The following TSEN15 variants were observed in gnomAD, a reference collection of about 807,000 sequenced individuals.
TSEN15 encodes the protein tRNA-splicing endonuclease subunit Sen15.
In TSEN15, 10 loss-of-function variants were observed where a neutral mutation model predicts 20.5. The observed-to-expected ratio is 0.49, with a 90% CI of 0.30 to 0.83. The LOEUF is 0.83. Among genes scored for constraint, TSEN15 ranks in the 40% least tolerant of loss-of-function variants. TSEN15 has a pLI of 0.06. For synonymous variants in TSEN15, 72 were observed against 80.1 expected (o/e 0.90, Z 0.54); for missense variants, 180 against 218.6 (o/e 0.82, Z 1.11).
chr1:184,085,153 A>C (rs1651237553), intron 3 of TSEN15, among the ~76,000 whole-genome samples: 1 of 152,204 alleles, frequency 6.6e-6, no homozygotes, highest in Non-Finnish European at 1.5e-5. Flanking sequence ...AAAAGAAGTT[A>C]AACTTAGCAC....
chr1:184,079,008 T>A (rs553928097), downstream of TSEN15, among the ~76,000 whole-genome samples: 2 of 152,272 alleles, frequency 1.3e-5, no homozygotes, highest in Non-Finnish European at 2.9e-5. Flanking sequence ...TCTTTATTCA[T>A]CTGCCATATT....
intron 3 of TSEN15, among the ~76,000 whole-genome samples, chr1:184,080,676 C>G (rs1651148800): frequency 6.6e-6 from 1 of 152,104 alleles, no homozygotes; most frequent in Non-Finnish European, 1.5e-5. Context: ...CATGCTCATG[C>G]TTTTATGTTG....
At chr1:184,070,688 T>C (rs1487536507) in intron 3 of TSEN15, 1 of 1,286,244 alleles carries the variant, frequency 7.8e-7, no homozygotes, top group Admixed American at 2.4e-5. Context: ...GAAGCAATTG[T>C]GATATGCTGC....
At chr1:184,089,975 G>A (rs1651330336) in intron 3 of TSEN15, among the ~76,000 whole-genome samples, 1 of 152,178 alleles carries the variant, frequency 6.6e-6, no homozygotes, top group South Asian at 2.1e-4. Context: ...TAGAATGGTT[G>A]CTGCCCACTA....
At chr1:184,089,983 C>T (rs1018175895) in intron 3 of TSEN15, among the ~76,000 whole-genome samples, 4 of 152,162 alleles carry the variant, frequency 2.6e-5, no homozygotes, top group Non-Finnish European at 5.9e-5. Context: ...TTGCTGCCCA[C>T]TAAAAGGTCA....
Position 184,073,035 on chromosome 1 carries a change from A to G in TSEN15, c.*188A>G, listed in dbSNP as rs1183370555. On this transcript the variant is annotated 3_prime_UTR_variant, in exon 5 of 5. Coordinates refer to ENST00000645668, the MANE Select transcript of TSEN15 (RefSeq NM_052965.4). ...GAAGACTTTCTCCTTCTTAAAAAAT[A>G]TAGGGTGATTTCTTTAAAACTTTGT... 4 of 583,672 alleles carry G rather than the reference A, an allele frequency of 6.9e-6. No individual in the cohort carries two copies. Among genetic ancestry groups the G allele is most frequent in the Middle Eastern group, 4.5e-4 (1 of 2,228 alleles). The allele number at this position is 583,672 out of a possible 1,614,324, so 36.2% of individuals were successfully genotyped here. A position where few individuals can be genotyped will look rare whatever the true frequency, so the allele number is the denominator to read the frequency against.
At chr1:184,091,368 G>T (rs1412111080) in intron 3 of TSEN15, among the ~76,000 whole-genome samples, 1 of 151,540 alleles carries the variant, frequency 6.6e-6, no homozygotes, top group African/African-American at 2.4e-5. Flanking sequence ...AGTCACCAAG[G>T]CTCAGAAATT....
At chr1:184,094,109 C>T (rs185727699) in intron 3 of TSEN15, 2 of 152,074 alleles carry the variant, frequency 1.3e-5, no homozygotes, top group Non-Finnish European at 2.9e-5. Flanking sequence ...TTCATGCCCC[C>T]CCTCCGAATC....
intron 3 of TSEN15, chr1:184,094,730 C>T: frequency 3.2e-6 from 1 of 312,242 alleles, no homozygotes. Flanking sequence ...AACCCACCTA[C>T]CATCAAATGA....
chr1:184,072,001 G>C (rs1650900545), intron 3 of TSEN15, 156 bp from the exon 4 acceptor site: 1 of 620,678 alleles, frequency 1.6e-6, no homozygotes, highest in Admixed American at 3.4e-5. Context: ...TACTATACCA[G>C]AAGACTCTGA....
chr1:184,081,484 C>G (rs1272042790), intron 3 of TSEN15, among the ~76,000 whole-genome samples: 1 of 152,140 alleles, frequency 6.6e-6, no homozygotes. Flanking sequence ...AAGGAAGCCA[C>G]GTGCCTGGCC....
chr1:184,082,732 G>A (rs780697960), intron 3 of TSEN15, among the ~76,000 whole-genome samples: 2 of 151,996 alleles, frequency 1.3e-5, no homozygotes, highest in Non-Finnish European at 2.9e-5. Context: ...TGTCTTAGGG[G>A]TAGGAAAAAC....
chr1:184,077,041 T>C (rs1233866349), downstream of TSEN15, among the ~76,000 whole-genome samples: 1 of 152,118 alleles, frequency 6.6e-6, no homozygotes, highest in Non-Finnish European at 1.5e-5. Context: ...CTATATTAAA[T>C]AACAGGCTTT....
intron 3 of TSEN15, among the ~76,000 whole-genome samples, chr1:184,092,479 A>T (rs1651377838): frequency 6.6e-6 from 1 of 152,246 alleles, no homozygotes; most frequent in African/African-American, 2.4e-5. Flanking sequence ...ATACATTGCT[A>T]TAAATAATGC....
In TSEN15 at chr1:184,082,477, G is replaced by A. The variant is rs1178253979; in HGVS notation, c.354-13213G>A. ...GAGTCTGAGATATGTGGAGTATGTGGAGCTTTACCTGGGCCTGGAGGCAGC... is the reference window on the plus strand; with the variant it reads ...GAGTCTGAGATATGTGGAGTATGTGAAGCTTTACCTGGGCCTGGAGGCAGC... On this transcript the variant is annotated intron_variant, in intron 3 of 3. Transcript: ENST00000643231. 3.9e-5 allele frequency among the ~76,000 whole-genome samples: 6 copies of A among 152,132 alleles called. No individual in the cohort carries two copies. In the East Asian group the frequency reaches 5.8e-4, roughly 15 times the overall value.
intron 3 of TSEN15, among the ~76,000 whole-genome samples, chr1:184,089,538 G>A (rs1387481173): frequency 6.6e-6 from 1 of 152,114 alleles, no homozygotes; most frequent in African/African-American, 2.4e-5. Flanking sequence ...TATCGGAGAT[G>A]GAGGAGAAGA....
chr1:184,095,886 T>A (rs1405759828), exon 4 of TSEN15: 2 of 396,862 alleles, frequency 5.0e-6, no homozygotes, highest in Non-Finnish European at 8.9e-6. Context: ...CCTAGCAAAC[T>A]AACGTAAAAT....
intron 4 of TSEN15, 171 bp downstream of exon 4, chr1:184,072,469 A>C: frequency 1.5e-6 from 1 of 648,086 alleles, no homozygotes; most frequent in Non-Finnish European, 2.5e-6. Flanking sequence ...ATTTTGTTCA[A>C]AGTAGCATGT....
At position 184,054,679 on chromosome 1, in the gene TSEN15, T is replaced by C. The variant is rs747858920; in HGVS notation, c.218-49T>C. ...ATTAGGTAGAAGTTTGGAGTTTTTA[T>C]TTTTTGTATTTAATAAACATTATTG... is the stretch of plus-strand genomic sequence containing the variant. On this transcript the variant is annotated intron_variant, in intron 2 of 4. Transcript: ENST00000645668. The C allele has an allele frequency of 8.8e-5, 139 of 1,579,956 alleles. 3 individuals carry two copies. In the South Asian group the frequency reaches 1.6e-3, roughly 18 times the overall value.
Sources: gnomAD v4.1 joint callset for allele counts (sites outside exome capture counted in the v4.1 genomes callset) on GRCh38, gnomAD v4.1.1 for gene constraint, MANE v1.5 for transcripts, NCBI Gene and HGNC (gene_info 2026-07-23, HGNC 2026-07-21) for gene names.